XKR9: variants seen among roughly 807,000 people sequenced by gnomAD.
XKR9 encodes XK related 9.
In XKR9, 32 loss-of-function variants were observed where a neutral mutation model predicts 32.0. The ratio of observed to expected loss-of-function variants is 1.00; its 90% CI spans 0.76 to 1.34. The LOEUF is 1.34. XKR9 is among the 40% of genes most tolerant of loss of function. XKR9 has a pLI of 0.00. For synonymous variants in XKR9, 168 were observed against 143.4 expected (o/e 1.17, Z -1.22); for missense variants, 546 against 429.7 (o/e 1.27, Z -2.39).
the XKR9 span, among the ~76,000 whole-genome samples, chr8:70,942,019 A>G: frequency 6.6e-6 from 1 of 152,152 alleles, no homozygotes; most frequent in South Asian, 2.1e-4. Flanking sequence ...TTCCACCTAG[A>G]TAAGAAGCTA....
chr8:70,682,368 G>T (rs1224303470), intron 3 of XKR9, among the ~76,000 whole-genome samples: 2 of 152,072 alleles, frequency 1.3e-5, no homozygotes. Context: ...TAGAAATATG[G>T]TAAATTCTCT....
chr8:70,933,750 T>C, the XKR9 span, among the ~76,000 whole-genome samples: 1 of 152,034 alleles, frequency 6.6e-6, no homozygotes, highest in African/African-American at 2.4e-5. Flanking sequence ...TTTTGAAAGT[T>C]TCTGATTTGA....
At chr8:70,757,061 A>AT (rs890634167) in intron 2 of XKR9, among the ~76,000 whole-genome samples, 7 of 151,504 alleles carry the variant, frequency 4.6e-5, no homozygotes, top group East Asian at 3.9e-4. Context: ...AGGGTAATGG[A>AT]TTTTTTTTCA....
downstream of XKR9, among the ~76,000 whole-genome samples, chr8:70,736,765 A>G (rs1384742376): frequency 6.6e-6 from 1 of 151,908 alleles, no homozygotes; most frequent in Non-Finnish European, 1.5e-5. Context: ...TTTGTCAAAG[A>G]TCAGATAGTT....
At chr8:70,822,087 C>A in the XKR9 span, among the ~76,000 whole-genome samples, 1 of 151,958 alleles carries the variant, frequency 6.6e-6, no homozygotes, top group Admixed American at 6.6e-5. Context: ...TCTATATTTG[C>A]AGGAATATTG....
At chr8:70,902,953 C>T in the XKR9 span, among the ~76,000 whole-genome samples, 4 of 152,116 alleles carry the variant, frequency 2.6e-5, no homozygotes, top group Non-Finnish European at 5.9e-5. Context: ...TATTGATTTG[C>T]ATATGTTGAA....
chr8:70,866,512 C>A, the XKR9 span, among the ~76,000 whole-genome samples: 2 of 152,110 alleles, frequency 1.3e-5, no homozygotes, highest in Non-Finnish European at 2.9e-5. Context: ...AGAGGCATTT[C>A]TGCTGAGTTT....
At chr8:71,015,765 C>T in the XKR9 span, among the ~76,000 whole-genome samples, 1 of 140,152 alleles carries the variant, frequency 7.1e-6, no homozygotes, top group South Asian at 2.1e-4. Context: ...TTAATGGTGC[C>T]TCATTAGCTG....
At chr8:70,769,155 C>G (rs1283048180) in intron 2 of XKR9, among the ~76,000 whole-genome samples, 1 of 151,512 alleles carries the variant, frequency 6.6e-6, no homozygotes, top group Non-Finnish European at 1.5e-5. Context: ...ATTTGCTTGA[C>G]TGTAAAGGAT....
the XKR9 span, among the ~76,000 whole-genome samples, chr8:70,926,929 T>G: frequency 0.43 from 64,856 of 151,870 alleles, 14,948 homozygotes; most frequent in Non-Finnish European, 0.52. Flanking sequence ...TTCATATATA[T>G]ATGAAAACCA....
At chr8:70,887,130 T>G in the XKR9 span, among the ~76,000 whole-genome samples, 1 of 152,202 alleles carries the variant, frequency 6.6e-6, no homozygotes, top group African/African-American at 2.4e-5. Context: ...CAGTTCCAGT[T>G]TTCTGCATAT....
chr8:71,038,332 T>A, the XKR9 span, among the ~76,000 whole-genome samples: 1 of 150,994 alleles, frequency 6.6e-6, no homozygotes, highest in African/African-American at 2.4e-5. Context: ...TTGTTTTTTT[T>A]TTTTTTGAGA....
At chr8:70,974,995 A>T in the XKR9 span, among the ~76,000 whole-genome samples, 1 of 152,168 alleles carries the variant, frequency 6.6e-6, no homozygotes, top group Non-Finnish European at 1.5e-5. Flanking sequence ...ACCAGTGATG[A>T]TAAGCATTTT....
At chr8:70,719,817 A>T (rs1806216513) in intron 4 of XKR9, among the ~76,000 whole-genome samples, 1 of 152,042 alleles carries the variant, frequency 6.6e-6, no homozygotes, top group Non-Finnish European at 1.5e-5. Flanking sequence ...AGTTTTTTGT[A>T]ATTCTGTAAA....
intron 4 of XKR9, among the ~76,000 whole-genome samples, chr8:70,730,801 G>T (rs1283057611): frequency 6.6e-6 from 1 of 152,196 alleles, no homozygotes; most frequent in Admixed American, 6.5e-5. Flanking sequence ...ACAGCATTGA[G>T]CAGTTTCTAT....
At chr8:70,731,777 G>T (rs998908356) in intron 4 of XKR9, among the ~76,000 whole-genome samples, 10 of 152,168 alleles carry the variant, frequency 6.6e-5, no homozygotes, top group African/African-American at 2.4e-4. Flanking sequence ...CAGGCTCATG[G>T]AATGTAATCA....
the XKR9 span, among the ~76,000 whole-genome samples, chr8:71,028,585 A>G: frequency 3.9e-5 from 6 of 152,156 alleles, no homozygotes; most frequent in Admixed American, 1.3e-4. Flanking sequence ...TGGTGACTAT[A>G]TTTAATATTT....
intron 2 of XKR9, chr8:70,677,893 T>C (rs560180535): frequency 8.5e-5 from 13 of 152,196 alleles, no homozygotes; most frequent in Admixed American, 6.5e-4. Context: ...TATAAGCAAT[T>C]TTTTTCTTAG....
At chr8:70,973,046 T>C in the XKR9 span, among the ~76,000 whole-genome samples, 2 of 151,972 alleles carry the variant, frequency 1.3e-5, no homozygotes, top group Admixed American at 6.6e-5. Context: ...ATTGATACGA[T>C]GTCTTTGACT....
Sources: allele counts gnomAD v4.1 joint callset (sites outside exome capture counted in the v4.1 genomes callset), GRCh38; gene constraint gnomAD v4.1.1; transcripts MANE v1.5; gene names NCBI Gene and HGNC (gene_info 2026-07-23, HGNC 2026-07-21).